The following MAPK11 variants were observed in gnomAD, a reference collection of about 807,000 sequenced individuals.
The protein encoded by MAPK11 is mitogen-activated protein kinase 11, also known as MAP kinase 11.
Under a neutral mutation model 52.2 loss-of-function variants are expected in MAPK11, and 44 were observed. That is an observed-to-expected ratio of 0.84 (90% CI 0.66 to 1.08). The LOEUF (loss-of-function observed/expected upper bound fraction) is 1.08, where lower values mean the gene tolerates loss of function less well. MAPK11 is among the 50% of genes least tolerant of loss of function. The probability of loss-of-function intolerance (pLI) is 0.00; values close to 1 mark genes in which losing one functional copy is unlikely to be tolerated. For missense variants in MAPK11, 436 were observed against 494.7 expected (o/e 0.88, Z 1.13); for synonymous variants, 233 against 206.3 (o/e 1.13, Z -1.11).
At chr22:50,267,699 C>T in intron 2 of MAPK11, 72 bp from the exon 3 acceptor site, 4 of 1,460,842 alleles carry the variant, frequency 2.7e-6, no homozygotes. Context: ...GGGCCACGCC[C>T]CCAGTGCCAG....
chr22:50,268,070 C>T (rs2065281035), intron 1 of MAPK11, 121 bp from the exon 2 acceptor site: 3 of 1,163,634 alleles, frequency 2.6e-6, no homozygotes, highest in Non-Finnish European at 3.4e-6. Flanking sequence ...GGCTTTTCTG[C>T]CCCGGCCCCG....
chr22:50,267,363 C>T lies in MAPK11; in HGVS notation c.417+8G>A. The stretch of plus-strand genomic sequence containing the variant: ...GCGAGAGGACCCGCGAAGCCCAGGG[C>T]GCCCCACCTTCAGCCCGCGCAGCAG... On this transcript the variant is annotated splice_region_variant and intron_variant, in intron 4 of 11. Coordinates refer to ENST00000330651, the MANE Select transcript of MAPK11 (RefSeq NM_002751.7). 6.3e-7 allele frequency: 1 copy of T among 1,599,734 alleles called. No individual in the cohort carries two copies.
chr22:50,268,142 C>T (rs1180602460), intron 1 of MAPK11, among the ~76,000 whole-genome samples, 193 bp from the exon 2 acceptor site: 1 of 152,248 alleles, frequency 6.6e-6, no homozygotes, highest in Non-Finnish European at 1.5e-5. Flanking sequence ...GGAAGGAGCC[C>T]CTGGGGCTGG....
At position 50,266,405 on chromosome 22, in the gene MAPK11, G is replaced by C. The variant is rs2065262307; in HGVS notation, c.683-100C>G. The C allele has an allele frequency of 5.7e-6, 8 of 1,412,266 alleles. No homozygotes were observed. The Admixed American group carries it at 1.8e-4, about 31-fold the overall frequency. 87.5% of individuals were successfully genotyped at this position (1,412,266 alleles called of 1,614,324 possible). ...CTGCCCAGAGCCCGCTCTCCTATAG[G>C]TGAGGATGGCCAGCCCAAAGTAGCA... On this transcript the variant is annotated intron_variant, in intron 8 of 11. Transcript: ENST00000330651.
rs1325793874 is a variant in MAPK11 at position 50,266,561 on chromosome 22, C to T, written c.661G>A (p.Ala221Thr). Residue 221 changes from alanine to threonine, a missense_variant, in exon 8 of 12, where the codon GCC becomes ACC. By Grantham distance (58) the Ala-to-Thr change is moderately conservative. Transcript: ENST00000330651. ...ATACAGTCGCTTCCCGGGAAGAGGG[C>T]CTTGCCCTGGAGCAGCTCAGCCATG... ...CIMAELLQGK[A>T]LFPGSDYIDQ... is the part of the protein sequence containing the mutation. 3 of 1,519,718 alleles carry T rather than the reference C, an allele frequency of 2.0e-6. No homozygotes were observed. The highest frequency in any genetic ancestry group is 2.6e-6 in the Non-Finnish European group (3 of 1,135,504). 94.1% of individuals were successfully genotyped at this position (1,519,718 alleles called of 1,614,324 possible). A position where few individuals can be genotyped will look rare whatever the true frequency, so the allele number is the denominator to read the frequency against.
chr22:50,267,127 C>T lies in MAPK11; in HGVS notation c.495G>A (p.Arg165=). 1 of 1,612,008 alleles carries T rather than the reference C, an allele frequency of 6.2e-7. No individual in the cohort carries two copies. Among genetic ancestry groups the T allele is most frequent in the Non-Finnish European group, 8.5e-7 (1 of 1,179,636 alleles). ...GCCCACCCCTGCCCACGGGCCTCAC[C>T]CTGAGCTCACAGTCCTCGTTCACAG... The part of the protein sequence containing the change: ...NVAVNEDCEL[R]ILDFGLARQA... The change falls in exon 6 of 12, where the codon AGG becomes AGA. Residue 165 remains arginine, a splice_region_variant and synonymous_variant. Transcript: ENST00000330651.
In MAPK11 at chr22:50,267,306, G is replaced by A; in HGVS notation, c.418-20C>T. The A allele has an allele frequency of 6.3e-7, 1 of 1,594,016 alleles. No homozygotes were observed. The highest frequency in any genetic ancestry group is 8.5e-7 in the Non-Finnish European group (1 of 1,171,880). On this transcript the variant is annotated intron_variant, in intron 4 of 11. Transcript: ENST00000330651. ...GATGTACTGCGGGAGGGGGATTGTG[G>A]TGAGCGCCGGGCCCGGCCCGCCCGC...
intron 8 of MAPK11, 95 bp from the exon 9 acceptor site, chr22:50,266,400 T>C: frequency 7.0e-7 from 1 of 1,420,762 alleles, no homozygotes; most frequent in East Asian, 2.4e-5. Context: ...CCCGCTCTCC[T>C]ATAGGTGAGG....
At chr22:50,266,369 A>C (rs2065262059) in intron 8 of MAPK11, 64 bp from the exon 9 acceptor site, 7 of 1,508,088 alleles carry the variant, frequency 4.6e-6, no homozygotes. Context: ...CAGACCCAAA[A>C]CTTTGGGGCG....
intron 11 of MAPK11, 61 bp downstream of exon 11, chr22:50,265,260 G>C: frequency 6.3e-7 from 1 of 1,582,882 alleles, no homozygotes; most frequent in African/African-American, 1.3e-5. Context: ...GGCATTTCCT[G>C]CCTCTGGGGA....
At chr22:50,266,478 T>C (rs969009494) in intron 8 of MAPK11, 62 bp downstream of exon 8, 160 of 1,471,782 alleles carry the variant, frequency 1.1e-4, no homozygotes, top group Non-Finnish European at 1.3e-4. Context: ...GGGCCAGCGC[T>C]GGTCCCTACC....
At chr22:50,268,801 G>A (rs1450514342) in intron 1 of MAPK11, among the ~76,000 whole-genome samples, 1 of 152,224 alleles carries the variant, frequency 6.6e-6, no homozygotes, top group Non-Finnish European at 1.5e-5. Context: ...CACAAGGGGA[G>A]CAGGAGCGGC....
chr22:50,266,701 G>A (rs2147269544), intron 7 of MAPK11, 90 bp from the exon 8 acceptor site: 1 of 1,296,108 alleles, frequency 7.7e-7, no homozygotes, highest in Admixed American at 1.9e-5. Context: ...CCCAAGATGG[G>A]CAGACCCCCT....
At position 50,264,671 on chromosome 22, in the gene MAPK11, C is replaced by T; in HGVS notation, c.*277G>A. ...CCTTTGGCATCTAGGACCCCACAGT[C>T]AGGTCCCAGTGGAGAGTGCAGTAGC... On this transcript the variant is annotated 3_prime_UTR_variant, in exon 12 of 12. Coordinates refer to ENST00000330651, the MANE Select transcript of MAPK11 (RefSeq NM_002751.7). 3 of 363,220 alleles carry T rather than the reference C, an allele frequency of 8.3e-6. No homozygotes were observed. The highest frequency in any genetic ancestry group is 1.5e-5 in the Non-Finnish European group (3 of 196,652). 22.5% of individuals were successfully genotyped at this position (363,220 alleles called of 1,614,324 possible).
rs1470280542 is a variant in MAPK11 at position 50,267,824 on chromosome 22, T to C, written c.242A>G (p.Glu81Gly). ...ELRLLKHLKH[E>G]NVIGLLDVFT... ...CACGGCCCTCCCCCGGCTCACGTTC[T>C]CGTGCTTCAGGTGCTTGAGCAGCCG... is the stretch of plus-strand genomic sequence containing the variant. Residue 81 changes from glutamate (E) to glycine (G), a missense_variant, in exon 2 of 12, where the codon GAG (glutamate) becomes GGG (glycine). Physicochemically the swap from Glu to Gly is moderately conservative, Grantham distance 98. Transcript: ENST00000330651. The C allele has an allele frequency of 1.3e-6, 2 of 1,551,608 alleles. No individual in the cohort carries two copies. Among genetic ancestry groups the C allele is most frequent in the Non-Finnish European group, 1.7e-6 (2 of 1,151,644 alleles).
At chr22:50,269,966 C>T (rs894397530) in intron 1 of MAPK11, among the ~76,000 whole-genome samples, 117 of 152,206 alleles carry the variant, frequency 7.7e-4, no homozygotes, top group Non-Finnish European at 1.4e-3. Flanking sequence ...GCCGGAGGAC[C>T]CCCCTCCCTC....
At chr22:50,266,189 A>C in intron 9 of MAPK11, 37 bp downstream of exon 9, 2 of 1,512,168 alleles carry the variant, frequency 1.3e-6, no homozygotes, top group South Asian at 1.2e-5. Flanking sequence ...GGGCTCAGCC[A>C]GGAGAGGGAG....
Position 50,270,117 on chromosome 22 carries a change from G to A in MAPK11, c.116+60C>T. 1 of 899,844 alleles carries A rather than the reference G, an allele frequency of 1.1e-6. No individual in the cohort carries two copies. Among genetic ancestry groups the A allele is most frequent in the Non-Finnish European group, 1.5e-6 (1 of 661,304 alleles). 55.7% of individuals were successfully genotyped at this position (899,844 alleles called of 1,614,324 possible). A position where few individuals can be genotyped will look rare whatever the true frequency, so the allele number is the denominator to read the frequency against. ...CCGAGAACCTCGCGCGGGCGAGGAG[G>A]GGACGCGCTCTCCGGCCCGGCCCGG... On this transcript the variant is annotated intron_variant, in intron 1 of 11. Coordinates refer to ENST00000330651, the MANE Select transcript of MAPK11 (RefSeq NM_002751.7). This position sits in a 1 kb window ranked among gnomAD's most constrained non-coding sequence, Gnocchi z 6.3.
rs1016438870 is a variant in MAPK11 at position 50,267,630 on chromosome 22, A to G, written c.247-3T>C. ...AAGACGTCCAGAAGCCCGATGACCT[A>G]GGTGGCGGGGGGCGTCAGGGCCGGG... On this transcript the variant is annotated splice_region_variant and splice_polypyrimidine_tract_variant and intron_variant, in intron 2 of 11. Transcript: ENST00000330651. The G allele has an allele frequency of 6.5e-7, 1 of 1,537,366 alleles. No homozygotes were observed. Among genetic ancestry groups the G allele is most frequent in the Admixed American group, 2.0e-5 (1 of 50,492 alleles).
Sources: allele counts gnomAD v4.1 joint callset (sites outside exome capture counted in the v4.1 genomes callset), GRCh38; gene constraint gnomAD v4.1.1; non-coding constraint Gnocchi (gnomAD v3.1); transcripts MANE v1.5; gene names NCBI Gene and HGNC (gene_info 2026-07-23, HGNC 2026-07-21).